SOX5: variants seen among roughly 807,000 people sequenced by gnomAD.
SOX5 encodes the protein SRY-box transcription factor 5, also known as transcription factor SOX-5.
A neutral mutation model predicts 92.0 loss-of-function variants in SOX5; 9 were observed. The observed-to-expected ratio is 0.10, with a 90% CI of 0.06 to 0.17. The LOEUF (loss-of-function observed/expected upper bound fraction) is 0.17, where lower values mean the gene tolerates loss of function less well. Among genes scored for constraint, SOX5 ranks in the 10% least tolerant of loss-of-function variants. SOX5 has a pLI of 1.00. For synonymous variants in SOX5, 344 were observed against 336.3 expected (o/e 1.02, Z -0.25); for missense variants, 642 against 944.5 (o/e 0.68, Z 4.20).
At chr12:24,487,967 C>A (rs1391755062) in intron 1 of SOX5, among the ~76,000 whole-genome samples, 2 of 152,138 alleles carry the variant, frequency 1.3e-5, no homozygotes, top group Non-Finnish European at 2.9e-5. Context: ...CATCTCTCTT[C>A]CGTAGCAGGA....
chr12:24,274,457 T>C (rs1944176835), intron 3 of SOX5, among the ~76,000 whole-genome samples: 1 of 152,158 alleles, frequency 6.6e-6, no homozygotes. Context: ...TAGTATCCAT[T>C]TGCATGGTAA....
chr12:24,520,693 C>A (rs1453922109), intron 1 of SOX5, among the ~76,000 whole-genome samples: 4 of 151,984 alleles, frequency 2.6e-5, no homozygotes, highest in Non-Finnish European at 5.9e-5. Flanking sequence ...TGAAAAGGCA[C>A]AGAGTGTCTG....
At chr12:23,723,846 C>T (rs979358487) in intron 6 of SOX5, among the ~76,000 whole-genome samples, 6 of 151,760 alleles carry the variant, frequency 4.0e-5, no homozygotes, top group African/African-American at 1.5e-4. Flanking sequence ...AAAGTTAGTT[C>T]ACCTTTTCTA....
chr12:23,583,241 ACTCT>A (rs1049532509), intron 9 of SOX5, among the ~76,000 whole-genome samples: 23 of 151,698 alleles, frequency 1.5e-4, no homozygotes, highest in Non-Finnish European at 2.4e-4. Context: ...TTTTAGATTA[ACTCT>A]CTATCTAATC....
intron 1 of SOX5, among the ~76,000 whole-genome samples, chr12:23,923,892 C>T (rs1312339080): frequency 6.6e-6 from 1 of 152,270 alleles, no homozygotes; most frequent in East Asian, 1.9e-4. Context: ...CATTATATAA[C>T]CTTCTTTAAT....
intron 4 of SOX5, among the ~76,000 whole-genome samples, chr12:24,048,137 T>G (rs188545490): frequency 1.1e-4 from 17 of 152,356 alleles, no homozygotes; most frequent in Admixed American, 2.6e-4. Context: ...TGAACAGCTT[T>G]CTGATACATC....
chr12:24,154,215 A>G (rs368398182), intron 4 of SOX5, among the ~76,000 whole-genome samples: 3 of 152,132 alleles, frequency 2.0e-5, no homozygotes, highest in East Asian at 3.9e-4. Flanking sequence ...CCTTTTGCTT[A>G]TATGTGTTAT....
chr12:24,028,230 T>C lies in SOX5; in HGVS notation c.-1-132206A>G, dbSNP rs1592475879. Among the ~76,000 whole-genome samples, 4 of 152,086 alleles carry C rather than the reference T, an allele frequency of 2.6e-5. No homozygotes were observed. In the South Asian group the frequency reaches 8.3e-4, roughly 32 times the overall value. Reference sequence around the variant, plus strand: ...CTTATAAGGTGACCATACTGTCTTCTAGTCTCAATGTCCCTGAGGGCAGGA... The same window carrying C: ...CTTATAAGGTGACCATACTGTCTTCCAGTCTCAATGTCCCTGAGGGCAGGA... On this transcript the variant is annotated intron_variant, in intron 4 of 4. Transcript: ENST00000446891.
chr12:23,651,075 T>G (rs2081499197), intron 7 of SOX5, among the ~76,000 whole-genome samples: 1 of 152,058 alleles, frequency 6.6e-6, no homozygotes, highest in Non-Finnish European at 1.5e-5. Context: ...GTATATGATT[T>G]AAGAAATATT....
At chr12:23,920,530 AG>A (rs1937884800) in intron 1 of SOX5, 1 of 152,222 alleles carries the variant, frequency 6.6e-6, no homozygotes, top group Non-Finnish European at 1.5e-5. Flanking sequence ...AGTTGAGTAT[AG>A]GAATCACAAC....
At chr12:24,124,778 AG>A (rs1028934785) in intron 4 of SOX5, among the ~76,000 whole-genome samples, 20 of 152,304 alleles carry the variant, frequency 1.3e-4, no homozygotes, top group African/African-American at 4.6e-4. Context: ...TAAACCTAAA[AG>A]GGGTTATTCA....
At chr12:24,352,689 A>G (rs564685715) in intron 2 of SOX5, among the ~76,000 whole-genome samples, 2 of 152,182 alleles carry the variant, frequency 1.3e-5, no homozygotes, top group South Asian at 4.2e-4. Flanking sequence ...CTGTCCTCTT[A>G]TTACATACCT....
At chr12:24,186,867 T>C (rs1288872522) in intron 4 of SOX5, among the ~76,000 whole-genome samples, 1 of 152,162 alleles carries the variant, frequency 6.6e-6, no homozygotes, top group Non-Finnish European at 1.5e-5. Context: ...TTCTTTTTGC[T>C]CTTTTTCCCC....
intron 3 of SOX5, among the ~76,000 whole-genome samples, chr12:24,263,547 A>AAAAAAAAAAAC (rs1565781963): frequency 6.9e-6 from 1 of 144,928 alleles, no homozygotes; most frequent in Non-Finnish European, 1.5e-5. Flanking sequence ...AAAACAAAAA[A>AAAAAAAAAAAC]AAAAACAAAA....
rs577892672 is a variant in SOX5, at chr12:23,731,723, G to A, written c.810+2961C>T. ...AGCAGATCTGTCTACCCCACTTGAT[G>A]TATTGGATTCCTTTGCTAAAACTGG... On this transcript the variant is annotated intron_variant, in intron 6 of 14. Transcript: ENST00000451604. Among the ~76,000 whole-genome samples the A allele has an allele frequency of 9.2e-5, 14 of 152,266 alleles. No homozygotes were observed. The East Asian group carries it at 1.9e-3, about 21-fold the overall frequency.
chr12:23,631,554 T>C (rs11047013), intron 8 of SOX5, among the ~76,000 whole-genome samples: 3,828 of 152,180 alleles, frequency 0.025, 92 homozygotes, highest in Non-Finnish European at 0.043. Context: ...GTATGTTTAT[T>C]AGCCCAGAAA....
intron 3 of SOX5, among the ~76,000 whole-genome samples, chr12:23,756,748 T>C (rs2094395636): frequency 6.6e-6 from 1 of 151,928 alleles, no homozygotes; most frequent in Non-Finnish European, 1.5e-5. Flanking sequence ...TTTATGTGTA[T>C]GTGTGTTTGT....
At chr12:24,461,386 T>C (rs1420687597) in intron 1 of SOX5, among the ~76,000 whole-genome samples, 1 of 152,112 alleles carries the variant, frequency 6.6e-6, no homozygotes, top group Admixed American at 6.5e-5. Context: ...ACAAGAGAAA[T>C]GGGAGGATGA....
chr12:24,005,084 G>A (rs1340158733), intron 4 of SOX5, among the ~76,000 whole-genome samples: 3 of 152,036 alleles, frequency 2.0e-5, no homozygotes, highest in African/African-American at 7.2e-5. Context: ...CTGGAACAGA[G>A]ATTAATTGCA....
Sources: gnomAD v4.1 joint callset for allele counts (sites outside exome capture counted in the v4.1 genomes callset) on GRCh38, gnomAD v4.1.1 for gene constraint, MANE v1.5 for transcripts, NCBI Gene and HGNC (gene_info 2026-07-23, HGNC 2026-07-21) for gene names.